The following RTN1 variants were observed in gnomAD, a reference collection of about 807,000 sequenced individuals.
RTN1 encodes the protein reticulon-1.
RTN1 carries 25 observed loss-of-function variants against 65.5 expected under a neutral mutation model. That is an observed-to-expected ratio of 0.38 (90% CI 0.28 to 0.53). RTN1 has a LOEUF of 0.53. Ranked by LOEUF, RTN1 falls within the 20% of genes least tolerant of loss-of-function variation. The pLI is 0.79. For synonymous variants in RTN1, 471 were observed against 447.6 expected (o/e 1.05, Z -0.66); for missense variants, 983 against 1,025.4 (o/e 0.96, Z 0.57).
At position 59,803,480 on chromosome 14, in the gene RTN1, C is replaced by T. The variant is rs1450312973; in HGVS notation, c.242-56999G>A. Among the ~76,000 whole-genome samples, 3 of 152,172 alleles carry T rather than the reference C, an allele frequency of 2.0e-5. No homozygotes were observed. Among genetic ancestry groups the T allele is most frequent in the African/African-American group, 7.2e-5 (3 of 41,454 alleles). ...AGATAATTCAGGCCACCCAAATCTA[C>T]TCTGGCCTGAATTATTCAAGTTAAA... On this transcript the variant is annotated intron_variant, in intron 1 of 8. Coordinates refer to ENST00000267484, the MANE Select transcript of RTN1 (RefSeq NM_021136.3). The surrounding 1 kb of genome is among the most constrained non-coding windows in gnomAD (Gnocchi z 5.6).
intron 1 of RTN1, among the ~76,000 whole-genome samples, chr14:59,779,932 T>C (rs915135325): frequency 1.9e-4 from 29 of 152,310 alleles, no homozygotes; most frequent in African/African-American, 4.6e-4. Context: ...CACTAGTCAA[T>C]AGCAGGGCAG....
At chr14:59,607,868 T>A (rs1248615825) in intron 3 of RTN1, among the ~76,000 whole-genome samples, 15 of 148,574 alleles carry the variant, frequency 1.0e-4, no homozygotes, top group African/African-American at 3.3e-4. Flanking sequence ...TCCACTGCAC[T>A]CCAGCCTGGG....
chr14:59,856,257 C>G (rs1470250676), intron 1 of RTN1, among the ~76,000 whole-genome samples: 1 of 152,124 alleles, frequency 6.6e-6, no homozygotes, highest in Non-Finnish European at 1.5e-5. Flanking sequence ...CTCCATCTTT[C>G]TAGAGCAATC....
chr14:59,610,242 G>GA, intron 3 of RTN1: 1 of 697,720 alleles, frequency 1.4e-6, no homozygotes. Context: ...ACTGTGGGCA[G>GA]AAAGCATTAG....
intron 1 of RTN1, among the ~76,000 whole-genome samples, chr14:59,758,362 C>T (rs1885681610): frequency 6.6e-6 from 1 of 152,276 alleles, no homozygotes; most frequent in South Asian, 2.1e-4. Context: ...CATCTTTGCC[C>T]ATCCCTTGGC....
chr14:59,825,300 A>T lies in RTN1; in HGVS notation c.241+45090T>A, dbSNP rs1348208834. Reference sequence around the variant, plus strand: ...TGAGAACCTTAGCTCACCATCTTGTATCTGACCTCTGGGTTACCTGGTCTA... The same window carrying T: ...TGAGAACCTTAGCTCACCATCTTGTTTCTGACCTCTGGGTTACCTGGTCTA... On this transcript the variant is annotated intron_variant, in intron 1 of 8. Coordinates refer to ENST00000267484, the MANE Select transcript of RTN1 (RefSeq NM_021136.3). The surrounding 1 kb of genome is among the most constrained non-coding windows in gnomAD (Gnocchi z 4.2). 6.6e-6 allele frequency among the ~76,000 whole-genome samples: 1 copy of T among 152,192 alleles called. No individual in the cohort carries two copies. The highest frequency in any genetic ancestry group is 1.5e-5 in the Non-Finnish European group (1 of 68,024).
intron 1 of RTN1, among the ~76,000 whole-genome samples, chr14:59,786,536 G>C (rs754231901): frequency 2.6e-5 from 4 of 152,308 alleles, no homozygotes; most frequent in Non-Finnish European, 5.9e-5. Context: ...ACTAGTAATG[G>C]AGAAGATTAC....
At chr14:59,793,058 T>C (rs1355120343) in intron 1 of RTN1, among the ~76,000 whole-genome samples, 1 of 152,176 alleles carries the variant, frequency 6.6e-6, no homozygotes, top group Non-Finnish European at 1.5e-5. Flanking sequence ...GAGCAATTAA[T>C]ATACTCGGGC....
chr14:59,751,607 A>C (rs761720811), intron 1 of RTN1, among the ~76,000 whole-genome samples: 1 of 152,154 alleles, frequency 6.6e-6, no homozygotes, highest in African/African-American at 2.4e-5. Context: ...TGAGAAAGGG[A>C]ATCTGGAGAA....
chr14:59,840,525 C>A (rs77084450), intron 1 of RTN1, among the ~76,000 whole-genome samples: 1 of 152,250 alleles, frequency 6.6e-6, no homozygotes, highest in East Asian at 1.9e-4. Context: ...GTATGGTTGT[C>A]GTAGGAGTAA....
chr14:59,771,152 T>C (rs1190929828), intron 1 of RTN1, among the ~76,000 whole-genome samples: 1 of 152,194 alleles, frequency 6.6e-6, no homozygotes, highest in East Asian at 1.9e-4. Context: ...TACCTCTCTG[T>C]AGCCATGATG....
chr14:59,680,591 A>G (rs2067681), intron 3 of RTN1, among the ~76,000 whole-genome samples: 1 of 152,208 alleles, frequency 6.6e-6, no homozygotes, highest in East Asian at 1.9e-4. Context: ...TGCCACATAA[A>G]GCTGATGGAA....
At chr14:59,718,494 AACCAAC>A (rs1436340449) in intron 3 of RTN1, among the ~76,000 whole-genome samples, 1 of 152,176 alleles carries the variant, frequency 6.6e-6, no homozygotes, top group Admixed American at 6.5e-5. Context: ...AACTCTAAAT[AACCAAC>A]TTGCTTGACC....
In RTN1 at chr14:59,727,449, T is replaced by C; in HGVS notation, c.1235A>G (p.Glu412Gly). The C allele has an allele frequency of 6.4e-7, 1 of 1,558,248 alleles. No individual in the cohort carries two copies. The highest frequency in any genetic ancestry group is 8.7e-7 in the Non-Finnish European group (1 of 1,151,822). ...EASSAESGDS[E>G]IELVSEDPMA... ...GGGGTCCTCGGACACCAGCTCGATC[T>C]CTGAGTCCCCCGACTCCGCGCTGCT... Residue 412 changes from glutamate to glycine, a missense_variant, in exon 3 of 9, where the codon GAG becomes GGG. By Grantham distance (98) the Glu-to-Gly change is moderately conservative. Around this residue, in one of 2 missense-constraint regions of RTN1, gnomAD observed 818 missense variants for 801.8 expected, o/e 1.02. Coordinates refer to ENST00000267484, the MANE Select transcript of RTN1 (RefSeq NM_021136.3). The surrounding 1 kb of genome is among the most constrained non-coding windows in gnomAD (Gnocchi z 4.2).
chr14:59,757,546 T>A (rs1594727858), intron 1 of RTN1, among the ~76,000 whole-genome samples: 2 of 152,184 alleles, frequency 1.3e-5, no homozygotes, highest in African/African-American at 4.8e-5. Context: ...TTATAAATTA[T>A]CCAGTCTTGG....
chr14:59,849,104 C>CT lies in RTN1; in HGVS notation c.241+21285_241+21286insA, dbSNP rs1887460165. On this transcript the variant is annotated intron_variant, in intron 1 of 8. Coordinates refer to ENST00000267484, the MANE Select transcript of RTN1 (RefSeq NM_021136.3). This position sits in a 1 kb window ranked among gnomAD's most constrained non-coding sequence, Gnocchi z 4.5. Reference sequence around the variant, plus strand: ...TGTAGTTTATGGCCTTGGTTGGAAACAATAGAATTATGCAAATTAGTTGTC... The same window carrying CT: ...TGTAGTTTATGGCCTTGGTTGGAAACTAATAGAATTATGCAAATTAGTTGTC... 6.6e-6 allele frequency among the ~76,000 whole-genome samples: 1 copy of CT among 152,166 alleles called. No individual in the cohort carries two copies. The highest frequency in any genetic ancestry group is 2.4e-5 in the African/African-American group (1 of 41,422).
At position 59,790,718 on chromosome 14, in the gene RTN1, G is replaced by GT. The variant is rs1221259431; in HGVS notation, c.242-44238dup. Among the ~76,000 whole-genome samples, 1 of 151,954 alleles carries GT rather than the reference G, an allele frequency of 6.6e-6. No homozygotes were observed. The highest frequency in any genetic ancestry group is 6.6e-5 in the Admixed American group (1 of 15,246). On this transcript the variant is annotated intron_variant, in intron 1 of 8. Transcript: ENST00000267484. The surrounding 1 kb of genome is among the most constrained non-coding windows in gnomAD (Gnocchi z 4.1). ...ACTTTTTTTGCAAGTTCTTTTTAATGTTTTTTCTTTTTCATTTGTTCTATT... is the reference window on the plus strand; with the variant it reads ...ACTTTTTTTGCAAGTTCTTTTTAATGTTTTTTTCTTTTTCATTTGTTCTATT...
chr14:59,601,422 A>C (rs995090660), intron 8 of RTN1, among the ~76,000 whole-genome samples: 2 of 152,082 alleles, frequency 1.3e-5, no homozygotes, highest in Non-Finnish European at 2.9e-5. Context: ...TACTGTACTT[A>C]TTATATTTTA....
At chr14:59,719,171 C>T (rs910345979) in intron 3 of RTN1, among the ~76,000 whole-genome samples, 1 of 152,178 alleles carries the variant, frequency 6.6e-6, no homozygotes, top group Admixed American at 6.5e-5. Context: ...AAGCTCAGCA[C>T]CATGATGTGT....
Sources: allele counts gnomAD v4.1 joint callset (sites outside exome capture counted in the v4.1 genomes callset), GRCh38; gene constraint gnomAD v4.1.1; regional missense constraint gnomAD v4.1.1; non-coding constraint Gnocchi (gnomAD v3.1); transcripts MANE v1.5; gene names NCBI Gene and HGNC (gene_info 2026-07-23, HGNC 2026-07-21).